TSHZ2: variants seen among roughly 807,000 people sequenced by gnomAD.
TSHZ2 encodes teashirt zinc finger homeobox 2.
TSHZ2 carries 21 observed loss-of-function variants against 74.4 expected under a neutral mutation model. The ratio of observed to expected loss-of-function variants is 0.28; its 90% CI spans 0.20 to 0.41. The LOEUF is 0.41. Among genes scored for constraint, TSHZ2 ranks in the 10% least tolerant of loss-of-function variants. The probability of loss-of-function intolerance (pLI) is 1.00; values close to 1 mark genes in which losing one functional copy is unlikely to be tolerated. For missense variants in TSHZ2, 1,244 were observed against 1,293.5 expected, an observed-to-expected ratio of 0.96 and a Z score of 0.59; for synonymous variants, 540 against 515.3, an observed-to-expected ratio of 1.05 and a Z score of -0.65.
intron 2 of TSHZ2, among the ~76,000 whole-genome samples, chr20:53,471,400 T>C (rs958634552): frequency 6.6e-6 from 1 of 152,184 alleles, no homozygotes; most frequent in Non-Finnish European, 1.5e-5. Flanking sequence ...GCTCAAACTC[T>C]CACCTTCCTG....
At chr20:53,150,750 G>A (rs1183237975) in intron 1 of TSHZ2, among the ~76,000 whole-genome samples, 1 of 151,966 alleles carries the variant, frequency 6.6e-6, no homozygotes, top group Non-Finnish European at 1.5e-5. Flanking sequence ...AGAAAGGAAG[G>A]AAGGAGAAGA....
At chr20:52,980,654 G>A (rs1223670523) in intron 1 of TSHZ2, among the ~76,000 whole-genome samples, 1 of 152,204 alleles carries the variant, frequency 6.6e-6, no homozygotes, top group Non-Finnish European at 1.5e-5. Flanking sequence ...ACGAAGGGCA[G>A]AATGAGATAA....
At chr20:52,992,257 A>T (rs1430566066) in intron 1 of TSHZ2, among the ~76,000 whole-genome samples, 1 of 152,216 alleles carries the variant, frequency 6.6e-6, no homozygotes, top group Non-Finnish European at 1.5e-5. Flanking sequence ...GCATGAATGT[A>T]TGAATGAATG....
intron 1 of TSHZ2, among the ~76,000 whole-genome samples, chr20:53,126,758 T>C (rs1986957776): frequency 6.6e-6 from 1 of 152,186 alleles, no homozygotes; most frequent in Non-Finnish European, 1.5e-5. Flanking sequence ...GCTGAAAGTC[T>C]ATAGCGCGAG....
intron 2 of TSHZ2, among the ~76,000 whole-genome samples, chr20:53,345,826 T>C (rs577073218): frequency 6.6e-6 from 1 of 150,940 alleles, no homozygotes. Flanking sequence ...GGCGGTGGCG[T>C]GATCACGTGC....
chr20:53,019,250 T>G (rs1429327473), intron 1 of TSHZ2, among the ~76,000 whole-genome samples: 2 of 45,888 alleles, frequency 4.4e-5, no homozygotes, highest in Non-Finnish European at 8.6e-5. Context: ...TTGCCTGGGT[T>G]TTTTTTTTTT....
chr20:53,156,898 A>G (rs1345169191), intron 1 of TSHZ2, among the ~76,000 whole-genome samples: 1 of 152,212 alleles, frequency 6.6e-6, no homozygotes, highest in Non-Finnish European at 1.5e-5. Context: ...TGTCATCTCT[A>G]TCTCTGGGGA....
intron 1 of TSHZ2, among the ~76,000 whole-genome samples, chr20:53,243,076 G>A (rs1423065142): frequency 6.6e-6 from 1 of 152,158 alleles, no homozygotes; most frequent in African/African-American, 2.4e-5. Context: ...GTAAGTGGGG[G>A]AGGGTACAGT....
chr20:53,235,029 C>A (rs899960365), intron 1 of TSHZ2, among the ~76,000 whole-genome samples: 2 of 150,306 alleles, frequency 1.3e-5, no homozygotes, highest in South Asian at 4.2e-4. Flanking sequence ...CCATTGTTCA[C>A]TTTCAGTCCC....
intron 1 of TSHZ2, among the ~76,000 whole-genome samples, chr20:53,245,497 G>A (rs1990179825): frequency 6.6e-6 from 1 of 152,224 alleles, no homozygotes; most frequent in South Asian, 2.1e-4. Flanking sequence ...CACAAAGCTG[G>A]TTCCCACATA....
intron 1 of TSHZ2, among the ~76,000 whole-genome samples, chr20:53,130,263 A>C (rs938349085): frequency 1.3e-5 from 2 of 151,966 alleles, no homozygotes; most frequent in Non-Finnish European, 2.9e-5. Context: ...AGAAAAGAAA[A>C]GAAACAGTCA....
intron 1 of TSHZ2, among the ~76,000 whole-genome samples, chr20:53,082,412 G>A (rs1000619551): frequency 6.6e-6 from 1 of 152,196 alleles, no homozygotes; most frequent in Non-Finnish European, 1.5e-5. Context: ...CACTGAGTGG[G>A]AGGCACCATT....
chr20:53,020,231 C>T (rs371958252), intron 1 of TSHZ2, among the ~76,000 whole-genome samples: 2 of 152,312 alleles, frequency 1.3e-5, no homozygotes, highest in Admixed American at 1.3e-4. Context: ...CATGTCACTT[C>T]GTCACCATCG....
intron 2 of TSHZ2, among the ~76,000 whole-genome samples, chr20:53,450,764 C>A (rs993458572): frequency 5.3e-5 from 8 of 152,206 alleles, no homozygotes; most frequent in Admixed American, 5.2e-4. Context: ...TCAACCAATT[C>A]TCCTGCCTTG....
At chr20:53,182,692 A>G (rs1184691670) in intron 1 of TSHZ2, among the ~76,000 whole-genome samples, 1 of 152,200 alleles carries the variant, frequency 6.6e-6, no homozygotes, top group Non-Finnish European at 1.5e-5. Flanking sequence ...GCTCAGAGTA[A>G]AAAACAACCA....
intron 2 of TSHZ2, among the ~76,000 whole-genome samples, chr20:53,431,865 A>G (rs548978659): frequency 8.5e-5 from 13 of 152,326 alleles, no homozygotes; most frequent in African/African-American, 2.6e-4. Context: ...CGTAAATAAC[A>G]GTCAATTATT....
At chr20:53,151,252 G>A (rs1987670548) in intron 1 of TSHZ2, among the ~76,000 whole-genome samples, 1 of 152,208 alleles carries the variant, frequency 6.6e-6, no homozygotes, top group African/African-American at 2.4e-5. Context: ...TTATACTGGT[G>A]CCTATTCGCT....
intron 1 of TSHZ2, among the ~76,000 whole-genome samples, chr20:53,076,448 G>A (rs772583465): frequency 6.6e-6 from 1 of 152,188 alleles, no homozygotes; most frequent in Admixed American, 6.5e-5. Flanking sequence ...GCAAGTCCTT[G>A]CCTTCACAGA....
chr20:53,424,687 G>A (rs995327941), intron 2 of TSHZ2, among the ~76,000 whole-genome samples: 4 of 152,114 alleles, frequency 2.6e-5, no homozygotes, highest in East Asian at 1.9e-4. Context: ...TAAGCCCGGC[G>A]TGCATTAGCT....
Sources: allele counts gnomAD v4.1 joint callset (sites outside exome capture counted in the v4.1 genomes callset), GRCh38; gene constraint gnomAD v4.1.1; transcripts MANE v1.5; gene names NCBI Gene and HGNC (gene_info 2026-07-23, HGNC 2026-07-21).